COG4: variants seen among roughly 807,000 people sequenced by gnomAD.
The protein encoded by COG4 is conserved oligomeric Golgi complex subunit 4.
Under a neutral mutation model 95.1 loss-of-function variants are expected in COG4, and 65 were observed. The observed-to-expected ratio is 0.68, with a 90% CI of 0.56 to 0.84. The LOEUF (loss-of-function observed/expected upper bound fraction) is 0.84. COG4 is among the 40% of genes least tolerant of loss of function. COG4 has a pLI of 0.00. For missense variants in COG4, 1,045 were observed against 989.1 expected (o/e 1.06, Z -0.76); for synonymous variants, 421 against 374.8 (o/e 1.12, Z -1.42).
At chr16:70,486,110 T>C (rs369466817) in intron 13 of COG4, among the ~76,000 whole-genome samples, 2 of 151,414 alleles carry the variant, frequency 1.3e-5, no homozygotes, top group Non-Finnish European at 2.9e-5. Context: ...TTAGCCAGGA[T>C]GGTCTCGATC....
chr16:70,495,396 T>C (rs1272560317), intron 12 of COG4, among the ~76,000 whole-genome samples: 1 of 89,576 alleles, frequency 1.1e-5, no homozygotes, highest in Admixed American at 1.2e-4. Context: ...AGACTCCATC[T>C]CAAAAAAAAA....
intron 2 of COG4, 136 bp from the exon 3 acceptor site, chr16:70,517,876 C>A (rs1466984655): frequency 4.4e-6 from 3 of 679,844 alleles, no homozygotes; most frequent in African/African-American, 1.8e-5. Context: ...GCTCTATACT[C>A]AGCTTTTTCT....
intron 13 of COG4, among the ~76,000 whole-genome samples, chr16:70,484,261 G>C (rs2049082082): frequency 6.6e-6 from 1 of 152,172 alleles, no homozygotes; most frequent in Non-Finnish European, 1.5e-5. Flanking sequence ...TCATGTATTA[G>C]TTGAGTGACC....
At chr16:70,517,398 G>A (rs978174974) in intron 3 of COG4, among the ~76,000 whole-genome samples, 2 of 151,370 alleles carry the variant, frequency 1.3e-5, no homozygotes, top group Non-Finnish European at 2.9e-5. Flanking sequence ...GACCAGCCCG[G>A]GGAACATGGC....
chr16:70,491,520 C>A (rs76339066), intron 12 of COG4, among the ~76,000 whole-genome samples: 218 of 54,812 alleles, frequency 4.0e-3, no homozygotes, highest in Middle Eastern at 0.031. Context: ...GACTCTGTCT[C>A]AAAAAAAAAA....
At chr16:70,489,476 C>A (rs905532665) in intron 13 of COG4, among the ~76,000 whole-genome samples, 4 of 151,458 alleles carry the variant, frequency 2.6e-5, no homozygotes, top group African/African-American at 9.7e-5. Flanking sequence ...CTCAGCCTCC[C>A]AAAGTGTTAG....
At chr16:70,523,201 G>A (rs1399523988) in intron 1 of COG4, 172 bp downstream of exon 1, 3 of 724,362 alleles carry the variant, frequency 4.1e-6, no homozygotes, top group Non-Finnish European at 7.0e-6. Flanking sequence ...GCGTCCGACA[G>A]CGTGAAAAGA....
intron 6 of COG4, among the ~76,000 whole-genome samples, chr16:70,509,646 T>A (rs567528098): frequency 1.3e-5 from 2 of 152,346 alleles, no homozygotes; most frequent in South Asian, 4.1e-4. Context: ...GAAATCAGCA[T>A]CACTCGCTTT....
rs1283034057 is a variant in COG4 at position 70,519,143 on chromosome 16, G to A, written c.254+506C>T. Among the ~76,000 whole-genome samples the A allele has an allele frequency of 2.1e-4, 7 of 33,224 alleles. 1 individual carries two copies. The highest frequency in any genetic ancestry group is 1.8e-4 in the Non-Finnish European group (4 of 22,134). The allele number at this position is 33,224 out of a possible 152,430, so 21.8% of individuals were successfully genotyped here. A position where few individuals can be genotyped will look rare whatever the true frequency, so the allele number is the denominator to read the frequency against. ...TTCTTTTTTTTTTTTTTTTTGAGAC[G>A]GAGTCTCGCTCTGTTGCCCAGGCCA... On this transcript the variant is annotated intron_variant, in intron 2 of 18. Transcript: ENST00000323786.
intron 4 of COG4, among the ~76,000 whole-genome samples, chr16:70,513,513 T>A (rs1162943391): frequency 1.3e-5 from 2 of 152,174 alleles, no homozygotes; most frequent in Non-Finnish European, 2.9e-5. Flanking sequence ...TTTTCTCCCA[T>A]ACATACATAC....
intron 3 of COG4, among the ~76,000 whole-genome samples, chr16:70,514,998 G>C (rs8058754): frequency 0.12 from 17,913 of 150,344 alleles, 3,558 homozygotes; most frequent in African/African-American, 0.41. Flanking sequence ...ACAGGTCTGA[G>C]TCACAGAGCC....
chr16:70,511,355 C>T (rs1372422584), intron 5 of COG4, among the ~76,000 whole-genome samples: 4 of 151,960 alleles, frequency 2.6e-5, no homozygotes, highest in East Asian at 1.9e-4. Context: ...ACTTAGGGAA[C>T]GGTATCATTT....
At chr16:70,501,148 G>C in intron 8 of COG4, 57 bp from the exon 9 acceptor site, 1 of 1,592,386 alleles carries the variant, frequency 6.3e-7, no homozygotes, top group Non-Finnish European at 8.5e-7. Flanking sequence ...AGACACAAGA[G>C]CTACAGGGCA....
In COG4 at chr16:70,483,964, G is replaced by A; in HGVS notation, c.1716C>T (p.Asp572=). ...TGCCCTGGCTGAAGAGCTTGGTGCA[G>A]TCACTCTAGGGGAGAACACTGCTGT... The part of the protein sequence containing the change: ...ISTLKKTLES[D]CTKLFSQGIG... The change falls in exon 14 of 19, where the codon GAC becomes GAT. Residue 572 remains aspartate (D), a synonymous_variant. Transcript: ENST00000323786. 6.2e-7 allele frequency: 1 copy of A among 1,611,104 alleles called. No homozygotes were observed. Among genetic ancestry groups the A allele is most frequent in the Non-Finnish European group, 8.5e-7 (1 of 1,178,940 alleles).
intron 12 of COG4, 32 bp downstream of exon 12, chr16:70,496,234 C>T (rs758081308): frequency 3.1e-6 from 5 of 1,613,818 alleles, no homozygotes; most frequent in East Asian, 2.2e-5. Flanking sequence ...TCGAGATAAA[C>T]CAACCCAGCT....
Position 70,522,748 on chromosome 16 carries a change from T to C in COG4, c.171+625A>G, listed in dbSNP as rs1320172685. Among the ~76,000 whole-genome samples, 4 of 152,296 alleles carry C rather than the reference T, an allele frequency of 2.6e-5. No homozygotes were observed. In the East Asian group the frequency reaches 7.7e-4, roughly 29 times the overall value. On this transcript the variant is annotated intron_variant, in intron 1 of 18. Coordinates refer to ENST00000323786, the MANE Select transcript of COG4 (RefSeq NM_015386.3). ...ATTAAAGGAGGCAGGAAATAGAACG[T>C]TATGAACTGAAAGGAATTGGAGAAT...
At chr16:70,496,567 T>C in intron 11 of COG4, 136 bp from the exon 12 acceptor site, 1 of 825,248 alleles carries the variant, frequency 1.2e-6, no homozygotes, top group Admixed American at 2.0e-5. Context: ...AAGACCACTG[T>C]AGGAGACCTG....
In COG4 at chr16:70,510,041, A is replaced by G. The variant is rs764601219; in HGVS notation, c.739-20T>C. The G allele has an allele frequency of 1.9e-6, 3 of 1,595,232 alleles. No homozygotes were observed. The East Asian group carries it at 6.7e-5, about 36-fold the overall frequency. The stretch of plus-strand genomic sequence containing the variant: ...GGCCACCTAAAAAAGGAGAAAACCC[A>G]CACACATTCCTCAGAAAGGTCACCC... On this transcript the variant is annotated intron_variant, in intron 5 of 18. Coordinates refer to ENST00000323786, the MANE Select transcript of COG4 (RefSeq NM_015386.3).
chr16:70,516,163 C>T (rs770545943), intron 3 of COG4: 36 of 397,080 alleles, frequency 9.1e-5, no homozygotes, highest in Admixed American at 2.2e-4. Context: ...AAAGTAATTG[C>T]GGTCTTGGCC....
Sources: allele counts gnomAD v4.1 joint callset (sites outside exome capture counted in the v4.1 genomes callset), GRCh38; gene constraint gnomAD v4.1.1; transcripts MANE v1.5; gene names NCBI Gene and HGNC (gene_info 2026-07-23, HGNC 2026-07-21).